KIAA0825: variants seen among roughly 807,000 people sequenced by gnomAD.
The protein encoded by KIAA0825 is KIAA0825, also known as uncharacterized protein KIAA0825.
Under a neutral mutation model 147.6 loss-of-function variants are expected in KIAA0825, and 119 were observed. The ratio of observed to expected loss-of-function variants is 0.81; its 90% confidence interval spans 0.69 to 0.94. The LOEUF is 0.94. Ranked by LOEUF, KIAA0825 falls within the 40% of genes least tolerant of loss-of-function variation. The pLI is 0.00. For missense variants in KIAA0825, 1,381 were observed against 1,472.7 expected, an observed-to-expected ratio of 0.94 and a Z score of 1.02; for synonymous variants, 470 against 518.1, an observed-to-expected ratio of 0.91 and a Z score of 1.26.
intron 20 of KIAA0825, among the ~76,000 whole-genome samples, chr5:94,182,223 T>TTCAA (rs1769692141): frequency 7.0e-6 from 1 of 142,232 alleles, no homozygotes; most frequent in Non-Finnish European, 1.5e-5. Context: ...TTATTCATCT[T>TTCAA]TCAAGACATA....
intron 5 of KIAA0825, among the ~76,000 whole-genome samples, chr5:94,508,592 CG>C: frequency 6.6e-6 from 1 of 152,226 alleles, no homozygotes; most frequent in South Asian, 2.1e-4. Flanking sequence ...CAGCATTTAC[CG>C]GCTGAGAGTT....
At chr5:94,498,482 A>G (rs1311038889) in intron 5 of KIAA0825, among the ~76,000 whole-genome samples, 1 of 152,204 alleles carries the variant, frequency 6.6e-6, no homozygotes, top group Non-Finnish European at 1.5e-5. Flanking sequence ...GAAGGCTAAG[A>G]TCCTGTTGCT....
chr5:94,473,390 A>T lies in KIAA0825; in HGVS notation c.1357T>A (p.Ser453Thr). 1 of 1,552,068 alleles carries T rather than the reference A, an allele frequency of 6.4e-7. No homozygotes were observed. The highest frequency in any genetic ancestry group is 8.7e-7 in the Non-Finnish European group (1 of 1,147,072). ...ILQQEQNERSSAVSYAMNLVN... is the reference protein window; with the variant it reads ...ILQQEQNERSTAVSYAMNLVN... ...AGGTTCATAGCATAGCTCACAGCTG[A>T]AGACCTTTCATTCTGTTCCTGTTGG... The change falls in exon 8 of 21, where the codon TCA (serine) becomes ACA (threonine). Residue 453 changes from serine (S) to threonine (T), a missense_variant. Ser to Thr is a moderately conservative substitution (Grantham distance 58). Transcript: ENST00000682413.
At chr5:94,297,251 T>G (rs1229169606) in intron 20 of KIAA0825, among the ~76,000 whole-genome samples, 1 of 152,196 alleles carries the variant, frequency 6.6e-6, no homozygotes, top group Non-Finnish European at 1.5e-5. Flanking sequence ...CTCTAAATCC[T>G]GTACTATGAC....
intron 20 of KIAA0825, among the ~76,000 whole-genome samples, chr5:94,352,336 G>A (rs1159374882): frequency 1.3e-5 from 2 of 152,104 alleles, no homozygotes; most frequent in Non-Finnish European, 2.9e-5. Context: ...CATCACTAAT[G>A]ATCAGGGAAA....
chr5:94,371,113 T>C (rs1293097528), intron 20 of KIAA0825, among the ~76,000 whole-genome samples: 4 of 152,104 alleles, frequency 2.6e-5, no homozygotes, highest in African/African-American at 7.2e-5. Flanking sequence ...AATATGTGTA[T>C]AAATATTGCT....
chr5:94,312,856 T>C (rs1033937993), intron 20 of KIAA0825, among the ~76,000 whole-genome samples: 3 of 151,684 alleles, frequency 2.0e-5, no homozygotes, highest in African/African-American at 7.3e-5. Flanking sequence ...TCAAATTAGA[T>C]TCAAAGGGTC....
At chr5:94,377,988 T>G (rs1747828795) in intron 20 of KIAA0825, among the ~76,000 whole-genome samples, 1 of 152,242 alleles carries the variant, frequency 6.6e-6, no homozygotes, top group Non-Finnish European at 1.5e-5. Flanking sequence ...CAGACTTTGT[T>G]GCTGAAGAGG....
At position 94,160,601 on chromosome 5, in the gene KIAA0825, G is replaced by GTAGTA. The variant is rs1394140798; in HGVS notation, c.3711-6478_3711-6477insTACTA. Among the ~76,000 whole-genome samples the GTAGTA allele has an allele frequency of 2.0e-5, 3 of 146,766 alleles. No individual in the cohort carries two copies. In the East Asian group the frequency reaches 5.9e-4, roughly 29 times the overall value. ...TATATTAAATATATACTGTATGTAT[G>GTAGTA]TATATTTAATATATACATATTAAAT... On this transcript the variant is annotated intron_variant, in intron 20 of 20. Coordinates refer to ENST00000682413, the MANE Select transcript of KIAA0825 (RefSeq NM_001145678.3).
chr5:94,360,080 A>T (rs2150399827), intron 20 of KIAA0825, among the ~76,000 whole-genome samples: 1 of 152,316 alleles, frequency 6.6e-6, no homozygotes, highest in Non-Finnish European at 1.5e-5. Flanking sequence ...GAGACTAAAA[A>T]TGTCCAGAGA....
At chr5:94,221,238 A>G (rs1431190751) in intron 20 of KIAA0825, among the ~76,000 whole-genome samples, 2 of 152,196 alleles carry the variant, frequency 1.3e-5, no homozygotes, top group Non-Finnish European at 2.9e-5. Flanking sequence ...TAGAGTAACC[A>G]GGAGCAGGAA....
intron 7 of KIAA0825, among the ~76,000 whole-genome samples, chr5:94,474,366 T>C (rs1037083377): frequency 2.0e-5 from 3 of 152,194 alleles, no homozygotes; most frequent in African/African-American, 7.2e-5. Flanking sequence ...GATTCAACTT[T>C]CCCTGTTTTA....
intron 5 of KIAA0825, among the ~76,000 whole-genome samples, chr5:94,497,500 A>G (rs1764525594): frequency 6.6e-6 from 1 of 152,220 alleles, no homozygotes; most frequent in South Asian, 2.1e-4. Flanking sequence ...ATTTACCTCT[A>G]AGACACAAAA....
At chr5:94,413,447 T>G (rs1333481702) in intron 15 of KIAA0825, 1 of 152,198 alleles carries the variant, frequency 6.6e-6, no homozygotes, top group East Asian at 1.9e-4. Context: ...AGTGAAATAC[T>G]GCTCAGCAAT....
chr5:94,599,929 G>T (rs1163896705), intron 1 of KIAA0825, among the ~76,000 whole-genome samples: 1 of 152,018 alleles, frequency 6.6e-6, no homozygotes, highest in Non-Finnish European at 1.5e-5. Context: ...ACTGTCATGT[G>T]TTGTCCACCC....
intron 15 of KIAA0825, chr5:94,415,315 C>T (rs1383615451): frequency 6.6e-6 from 1 of 151,994 alleles, no homozygotes; most frequent in East Asian, 1.9e-4. Flanking sequence ...GATACTGAAG[C>T]ATAGATCTAT....
chr5:94,559,421 C>T lies in KIAA0825; in HGVS notation c.-1-22294G>A, dbSNP rs192321513. On this transcript the variant is annotated intron_variant, in intron 2 of 20. Transcript: ENST00000682413. ...ACTGTCTAAGATGGAATGTTAAATA[C>T]TCTCTTTAAAATAGGACACAAAATG... 1.1e-4 allele frequency among the ~76,000 whole-genome samples: 17 copies of T among 152,228 alleles called. No individual in the cohort carries two copies. The East Asian group carries it at 3.3e-3, about 29-fold the overall frequency.
intron 20 of KIAA0825, among the ~76,000 whole-genome samples, chr5:94,238,212 T>C (rs1435726741): frequency 6.6e-6 from 1 of 152,170 alleles, no homozygotes; most frequent in African/African-American, 2.4e-5. Context: ...AAAAGGCAAG[T>C]GTAGCAAAAT....
rs773046326 is a variant in KIAA0825, at chr5:94,440,140, A to C, written c.2358-19T>G. 1.3e-6 allele frequency: 2 copies of C among 1,549,564 alleles called. No homozygotes were observed. Among genetic ancestry groups the C allele is most frequent in the South Asian group, 2.4e-5 (2 of 83,732 alleles). On this transcript the variant is annotated intron_variant, in intron 13 of 20. Coordinates refer to ENST00000682413, the MANE Select transcript of KIAA0825 (RefSeq NM_001145678.3). ...TGGAGTCCTTTCAAAATGCAAGATA[A>C]AGATGGAGTAATGAAGTTAATTTAT...
Sources: gnomAD v4.1 joint callset for allele counts (sites outside exome capture counted in the v4.1 genomes callset) on GRCh38, gnomAD v4.1.1 for gene constraint, MANE v1.5 for transcripts, NCBI Gene and HGNC (gene_info 2026-07-23, HGNC 2026-07-21) for gene names.